The following TMEM131 variants were observed in gnomAD, a reference collection of about 807,000 sequenced individuals.
TMEM131 encodes the protein transmembrane protein 131.
Under a neutral mutation model 211.6 loss-of-function variants are expected in TMEM131, and 66 were observed. The observed-to-expected ratio is 0.31, with a 90% CI of 0.26 to 0.38. TMEM131 has a LOEUF of 0.38. Ranked by LOEUF, TMEM131 falls within the 10% of genes least tolerant of loss-of-function variation. The probability of loss-of-function intolerance (pLI) is 1.00; values close to 1 mark genes in which losing one functional copy is unlikely to be tolerated. For synonymous variants in TMEM131, 844 were observed against 841.3 expected (o/e 1.00, Z -0.06); for missense variants, 2,036 against 2,299.3 (o/e 0.89, Z 2.34).
intron 39 of TMEM131, 118 bp downstream of exon 39, chr2:97,759,534 C>CAA (rs1678702622): frequency 2.3e-6 from 2 of 852,732 alleles, no homozygotes; most frequent in Admixed American, 4.7e-5. Context: ...AGGGAGCTTC[C>CAA]TGCGGGGCCT....
At chr2:97,894,075 C>A (rs2104296163) in intron 3 of TMEM131, among the ~76,000 whole-genome samples, 1 of 152,248 alleles carries the variant, frequency 6.6e-6, no homozygotes, top group Non-Finnish European at 1.5e-5. Flanking sequence ...ACGAAAGGGT[C>A]CAGTTTCAGT....
intron 3 of TMEM131, among the ~76,000 whole-genome samples, chr2:97,900,974 G>A (rs2104334525): frequency 6.6e-6 from 1 of 152,250 alleles, no homozygotes; most frequent in South Asian, 2.1e-4. Flanking sequence ...TGGCCATGCA[G>A]AGCATTTCTT....
At chr2:97,803,719 G>C (rs1465843910) in intron 22 of TMEM131, among the ~76,000 whole-genome samples, 1 of 152,206 alleles carries the variant, frequency 6.6e-6, no homozygotes, top group Non-Finnish European at 1.5e-5. Context: ...TAGACAGGGA[G>C]CCAAGGTCTT....
chr2:97,894,425 ATAG>A (rs1268930277), intron 3 of TMEM131, among the ~76,000 whole-genome samples: 1 of 152,130 alleles, frequency 6.6e-6, no homozygotes, highest in East Asian at 1.9e-4. Flanking sequence ...AGAAAAGTCA[ATAG>A]TAGCTTGATG....
At chr2:97,941,513 A>C (rs1383025669) in intron 1 of TMEM131, among the ~76,000 whole-genome samples, 1 of 152,250 alleles carries the variant, frequency 6.6e-6, no homozygotes, top group Non-Finnish European at 1.5e-5. Context: ...ACAGCAAAAG[A>C]AACTACCATC....
chr2:97,932,455 C>A (rs1461897520), intron 1 of TMEM131, among the ~76,000 whole-genome samples: 1 of 152,176 alleles, frequency 6.6e-6, no homozygotes, highest in Admixed American at 6.5e-5. Context: ...TCAATATCAT[C>A]AACTTCCTAA....
At chr2:97,953,132 T>A (rs1448433516) in intron 1 of TMEM131, among the ~76,000 whole-genome samples, 2 of 152,182 alleles carry the variant, frequency 1.3e-5, no homozygotes, top group African/African-American at 4.8e-5. Context: ...TAAGAGACCA[T>A]CCTTTTCCAT....
Position 97,995,562 on chromosome 2 carries a change from C to A in TMEM131, c.101G>T (p.Gly34Val). Reference sequence around the variant, plus strand: ...GAGGCCGGCGGCCGCGCTCCGCGGGCCCCCGCTACGGGCGGCCGCAGGTTC... The same window carrying A: ...GAGGCCGGCGGCCGCGCTCCGCGGGACCCCGCTACGGGCGGCCGCAGGTTC... ...GLEPAAARSG[G>V]PRSAAAGLLG... Residue 34 changes from glycine (G) to valine (V), a missense_variant, in exon 1 of 41, where the codon GGC becomes GTC. By Grantham distance (109) the Gly-to-Val change is moderately radical. This residue lies in a region of TMEM131 where 136 missense variants were observed against 115.4 expected (regional missense o/e 1.18). Coordinates refer to ENST00000186436, the MANE Select transcript of TMEM131 (RefSeq NM_015348.2). The A allele has an allele frequency of 1.4e-5, 18 of 1,316,192 alleles. No individual in the cohort carries two copies. The highest frequency in any genetic ancestry group is 1.6e-5 in the Non-Finnish European group (16 of 1,031,172). 81.5% of individuals were successfully genotyped at this position (1,316,192 alleles called of 1,614,324 possible). A position where few individuals can be genotyped will look rare whatever the true frequency, so the allele number is the denominator to read the frequency against.
intron 3 of TMEM131, among the ~76,000 whole-genome samples, chr2:97,897,206 A>G (rs892851200): frequency 6.6e-6 from 1 of 152,088 alleles, no homozygotes; most frequent in Non-Finnish European, 1.5e-5. Context: ...TATGCACACA[A>G]TCACATGGTT....
At chr2:97,911,365 T>C (rs1337457966) in intron 2 of TMEM131, among the ~76,000 whole-genome samples, 1 of 152,244 alleles carries the variant, frequency 6.6e-6, no homozygotes, top group Non-Finnish European at 1.5e-5. Context: ...ATCTTGATTG[T>C]AGTAATAATT....
At chr2:97,875,887 T>TA (rs2104156126) in intron 4 of TMEM131, among the ~76,000 whole-genome samples, 1 of 152,060 alleles carries the variant, frequency 6.6e-6, no homozygotes, top group African/African-American at 2.4e-5. Context: ...CTGAAGGAGA[T>TA]AGAGACACAA....
In TMEM131 at chr2:97,796,937, T is replaced by C; in HGVS notation, c.2920A>G (p.Thr974Ala). 6.2e-7 allele frequency: 1 copy of C among 1,613,994 alleles called. No homozygotes were observed. Among genetic ancestry groups the C allele is most frequent in the South Asian group, 1.1e-5 (1 of 91,082 alleles). ...TTGCCTGCCACCCTCAAGTTCTCAG[T>C]TGTTCCTTGTCCTTGGACCATCACA... Reference protein sequence around the residue: ...DAVMVQGQGTTENLRVAGKLP... With the variant: ...DAVMVQGQGTAENLRVAGKLP... Residue 974 changes from threonine to alanine, a missense_variant, in exon 27 of 41, where the codon ACT becomes GCT. Around this residue, in one of 3 missense-constraint regions of TMEM131, gnomAD observed 1,623 missense variants for 1,805.9 expected, o/e 0.90. Coordinates refer to ENST00000186436, the MANE Select transcript of TMEM131 (RefSeq NM_015348.2).
In TMEM131 at chr2:97,814,257, T is replaced by C. The variant is rs760118788; in HGVS notation, c.1424A>G (p.Glu475Gly). ...AILIHDVLLP[E>G]EAKTMFKVHN... ...TACTTTAAACATTGTTTTGGCTTCT[T>C]CTGGTAGCAACACATCGTGAATGAG... Residue 475 changes from glutamate (E) to glycine (G), a missense_variant, in exon 14 of 41, where the codon GAA becomes GGA. Around this residue, in one of 3 missense-constraint regions of TMEM131, gnomAD observed 1,623 missense variants for 1,805.9 expected, o/e 0.90. Transcript: ENST00000186436. 5.6e-6 allele frequency: 9 copies of C among 1,613,728 alleles called. No homozygotes were observed. The highest frequency in any genetic ancestry group is 7.6e-6 in the Non-Finnish European group (9 of 1,179,794).
intron 3 of TMEM131, among the ~76,000 whole-genome samples, chr2:97,890,835 T>G (rs546443456): frequency 2.0e-5 from 3 of 152,334 alleles, no homozygotes; most frequent in Admixed American, 2.0e-4. Flanking sequence ...TGCTAAGATC[T>G]CCTGTAAAAT....
At chr2:97,761,854 C>G in intron 36 of TMEM131, 181 bp downstream of exon 36, 1 of 604,194 alleles carries the variant, frequency 1.7e-6, no homozygotes, top group Non-Finnish European at 2.7e-6. Flanking sequence ...ACTGTTGGAG[C>G]TGGGCACAGC....
intron 31 of TMEM131, among the ~76,000 whole-genome samples, chr2:97,791,669 G>A (rs1308141435): frequency 2.0e-5 from 3 of 152,288 alleles, no homozygotes; most frequent in East Asian, 1.9e-4. Context: ...ATGGGACCCC[G>A]CTAAGCTGTA....
rs1473989045 is a variant in TMEM131, at chr2:97,955,945, T to C, written c.188-28458A>G. Among the ~76,000 whole-genome samples the C allele has an allele frequency of 5.9e-5, 9 of 152,328 alleles. No individual in the cohort carries two copies. In the South Asian group the frequency reaches 1.7e-3, roughly 28 times the overall value. ...ACAGGTTTAATGCAATTCCTATCAA[T>C]ATCTCAGCAACATATTTCATACACA... On this transcript the variant is annotated intron_variant, in intron 1 of 40. Transcript: ENST00000186436.
intron 3 of TMEM131, among the ~76,000 whole-genome samples, chr2:97,906,115 T>C (rs1218965735): frequency 6.6e-6 from 1 of 152,200 alleles, no homozygotes; most frequent in Admixed American, 6.6e-5. Flanking sequence ...TAGTGGTCCA[T>C]ATGGTTATCA....
Position 97,812,428 on chromosome 2 carries a change from T to A in TMEM131, c.1856A>T (p.Gln619Leu). ...AATAGAAAGTTTACTTACCGATGAT[T>A]GATCTGATAAAGAGGATTTTTCAAA... ...PEFEKSSLSD[Q>L]SSVTLASGYF... The change falls in exon 17 of 41, where the codon CAA (glutamine) becomes CTA (leucine). Residue 619 changes from glutamine (Q) to leucine (L), a missense_variant. Transcript: ENST00000186436. 1 of 1,600,932 alleles carries A rather than the reference T, an allele frequency of 6.2e-7. No individual in the cohort carries two copies. The highest frequency in any genetic ancestry group is 8.5e-7 in the Non-Finnish European group (1 of 1,176,528).
Sources: allele counts gnomAD v4.1 joint callset (sites outside exome capture counted in the v4.1 genomes callset), GRCh38; gene constraint gnomAD v4.1.1; regional missense constraint gnomAD v4.1.1; transcripts MANE v1.5; gene names NCBI Gene and HGNC (gene_info 2026-07-23, HGNC 2026-07-21).